KDM2B: variants seen among roughly 807,000 people sequenced by gnomAD.
KDM2B encodes lysine demethylase 2B, also known as lysine-specific demethylase 2B.
Under a neutral mutation model 150.0 loss-of-function variants are expected in KDM2B, and 26 were observed. That is an observed-to-expected ratio of 0.17 (90% CI 0.13 to 0.24). The LOEUF is 0.24. Ranked by LOEUF, KDM2B falls within the 10% of genes least tolerant of loss-of-function variation. The pLI is 1.00. For synonymous variants in KDM2B, 734 were observed against 729.5 expected (o/e 1.01, Z -0.10); for missense variants, 1,265 against 1,816.9 (o/e 0.70, Z 5.52).
chr12:121,416,317 G>A, the KDM2B span: 11 of 1,614,010 alleles, frequency 6.8e-6, no homozygotes, highest in East Asian at 6.7e-5. Flanking sequence ...CAGCAGCTAC[G>A]GAAGGGCCCA....
Position 121,453,417 on chromosome 12 carries a change from G to T in KDM2B, c.1735-73C>A. On this transcript the variant is annotated intron_variant, in intron 12 of 22. Coordinates refer to ENST00000377071, the MANE Select transcript of KDM2B (RefSeq NM_032590.5). This position sits in a 1 kb window ranked among gnomAD's most constrained non-coding sequence, Gnocchi z 6.4. ...GGCCAGACCCCCGGAAAGGGTGTTA[G>T]GGAGCAAACTGTGTACCCCCAGAAA... 2 of 1,201,194 alleles carry T rather than the reference G, an allele frequency of 1.7e-6. No individual in the cohort carries two copies. Among genetic ancestry groups the T allele is most frequent in the East Asian group, 2.6e-5 (1 of 38,944 alleles). The allele number at this position is 1,201,194 out of a possible 1,614,324, so 74.4% of individuals were successfully genotyped here.
At chr12:121,524,472 C>T (rs28617424) in intron 8 of KDM2B, among the ~76,000 whole-genome samples, 3 of 152,150 alleles carry the variant, frequency 2.0e-5, no homozygotes, top group African/African-American at 7.2e-5. Context: ...GGGATCTGCA[C>T]GCCCAGACAC....
At chr12:121,554,033 C>CCA (rs56659514) in intron 4 of KDM2B, among the ~76,000 whole-genome samples, 20,454 of 121,836 alleles carry the variant, frequency 0.17, 1,783 homozygotes, top group Admixed American at 0.26. Flanking sequence ...CACCCCAGCT[C>CCA]CACACACACA....
At chr12:121,552,359 G>A (rs1351908022) in intron 4 of KDM2B, among the ~76,000 whole-genome samples, 4 of 152,056 alleles carry the variant, frequency 2.6e-5, no homozygotes, top group South Asian at 4.1e-4. Flanking sequence ...AATCTTGATC[G>A]TATGCTAAGG....
chr12:121,507,647 G>T (rs1028198061), intron 11 of KDM2B, among the ~76,000 whole-genome samples: 1 of 152,154 alleles, frequency 6.6e-6, no homozygotes, highest in African/African-American at 2.4e-5. Context: ...ATCCCTAGGA[G>T]GACATCTGTT....
At chr12:121,529,185 C>T (rs1201002282) in intron 8 of KDM2B, among the ~76,000 whole-genome samples, 5 of 152,148 alleles carry the variant, frequency 3.3e-5, no homozygotes, top group Middle Eastern at 3.2e-3. Flanking sequence ...ATACACATGT[C>T]GATAAATGTG....
chr12:121,460,752 T>C (rs1878998607), intron 12 of KDM2B, among the ~76,000 whole-genome samples: 2 of 152,142 alleles, frequency 1.3e-5, no homozygotes, highest in Non-Finnish European at 2.9e-5. Context: ...TCAATATCTG[T>C]ATCAACAATC....
intron 6 of KDM2B, among the ~76,000 whole-genome samples, chr12:121,539,637 C>G (rs561636732): frequency 6.6e-6 from 1 of 152,118 alleles, no homozygotes; most frequent in East Asian, 1.9e-4. Flanking sequence ...CACACCAGGC[C>G]CCAGAAGCAC....
chr12:121,478,777 G>A (rs150635962), intron 12 of KDM2B, among the ~76,000 whole-genome samples: 2 of 151,666 alleles, frequency 1.3e-5, no homozygotes, highest in African/African-American at 4.8e-5. Context: ...AATCTCCGTT[G>A]CCCAGGCTCA....
chr12:121,569,643 G>A (rs1890948550), intron 4 of KDM2B, among the ~76,000 whole-genome samples: 1 of 152,164 alleles, frequency 6.6e-6, no homozygotes, highest in Non-Finnish European at 1.5e-5. Context: ...CTGGAAGCCT[G>A]TGTGCAGCTC....
chr12:121,448,310 ACT>A (rs1288558486), intron 13 of KDM2B, among the ~76,000 whole-genome samples: 7 of 118,152 alleles, frequency 5.9e-5, no homozygotes, highest in Admixed American at 4.2e-4. Flanking sequence ...ACACAGCAAG[ACT>A]CTGTCTCAAA....
At chr12:121,456,848 A>G (rs1360431129) in intron 12 of KDM2B, among the ~76,000 whole-genome samples, 8 of 152,220 alleles carry the variant, frequency 5.3e-5, no homozygotes, top group African/African-American at 1.9e-4. Context: ...ATACCAGACA[A>G]CATCCTGAAA....
intron 12 of KDM2B, among the ~76,000 whole-genome samples, chr12:121,489,144 C>T (rs7976858): frequency 0.2 from 30,707 of 151,890 alleles, 5,346 homozygotes; most frequent in African/African-American, 0.47. Flanking sequence ...GGTGTTTCAC[C>T]ATGTTGGCCA....
At chr12:121,431,720 AG>A (rs1284448998) in intron 22 of KDM2B, among the ~76,000 whole-genome samples, 1 of 152,102 alleles carries the variant, frequency 6.6e-6, no homozygotes, top group Non-Finnish European at 1.5e-5. Flanking sequence ...ATCTTCAAAC[AG>A]ATGCTCACCA....
intron 4 of KDM2B, among the ~76,000 whole-genome samples, chr12:121,571,886 T>G (rs1481453897): frequency 6.6e-6 from 1 of 151,232 alleles, no homozygotes; most frequent in African/African-American, 2.4e-5. Flanking sequence ...CTCCTGACCT[T>G]GTGATTCGCC....
intron 13 of KDM2B, among the ~76,000 whole-genome samples, chr12:121,448,303 C>A (rs962460957): frequency 1.8e-5 from 2 of 108,900 alleles, no homozygotes; most frequent in Non-Finnish European, 3.3e-5. Context: ...CTGAGCGACA[C>A]AGCAAGACTC....
Position 121,442,929 on chromosome 12 carries a change from G to C in KDM2B, c.2604+63C>G. On this transcript the variant is annotated intron_variant, in intron 18 of 22. Coordinates refer to ENST00000377071, the MANE Select transcript of KDM2B (RefSeq NM_032590.5). This position sits in a 1 kb window ranked among gnomAD's most constrained non-coding sequence, Gnocchi z 7.7. ...CCCCCTGCCACGGGACTGTGGCCCA[G>C]GGAGCTGCGGTGCAGCTCTAACCGC... The C allele has an allele frequency of 1.3e-6, 2 of 1,593,766 alleles. No individual in the cohort carries two copies. The highest frequency in any genetic ancestry group is 1.7e-6 in the Non-Finnish European group (2 of 1,169,326).
intron 6 of KDM2B, among the ~76,000 whole-genome samples, chr12:121,546,639 G>A (rs1267925093): frequency 1.3e-4 from 19 of 150,772 alleles, no homozygotes; most frequent in African/African-American, 3.9e-4. Flanking sequence ...TCCTGACCTC[G>A]TGATCTGCCC....
Position 121,443,655 on chromosome 12 carries a change from AGGAGGGCGTGCGTCGT to A in KDM2B, c.2565+9_2565+24del. ...AGGACTCGCCAGTCCCCGGGGCCTCAGGAGGGCGTGCGTCGTGGGAGCACCTGCTGCTGGAAGTAAG... is the reference window on the plus strand; with the variant it reads ...AGGACTCGCCAGTCCCCGGGGCCTCAGGGAGCACCTGCTGCTGGAAGTAAG... On this transcript the variant is annotated intron_variant, in intron 17 of 22. Coordinates refer to ENST00000377071, the MANE Select transcript of KDM2B (RefSeq NM_032590.5). 6.8e-7 allele frequency: 1 copy of A among 1,461,868 alleles called. No homozygotes were observed. The highest frequency in any genetic ancestry group is 1.4e-5 in the African/African-American group (1 of 72,212). The allele number at this position is 1,461,868 out of a possible 1,614,324, so 90.6% of individuals were successfully genotyped here. A position where few individuals can be genotyped will look rare whatever the true frequency, so the allele number is the denominator to read the frequency against.
Sources: allele counts gnomAD v4.1 joint callset (sites outside exome capture counted in the v4.1 genomes callset), GRCh38; gene constraint gnomAD v4.1.1; non-coding constraint Gnocchi (gnomAD v3.1); transcripts MANE v1.5; gene names NCBI Gene and HGNC (gene_info 2026-07-23, HGNC 2026-07-21).